The following PKHD1 variants were observed in gnomAD, a reference collection of about 807,000 sequenced individuals.
PKHD1 encodes PKHD1 ciliary IPT domain containing fibrocystin/polyductin, also known as fibrocystin.
In PKHD1, 291 loss-of-function variants were observed where a neutral mutation model predicts 412.0. The observed-to-expected ratio is 0.71, with a 90% CI of 0.64 to 0.78. The LOEUF is 0.78. Among genes scored for constraint, PKHD1 ranks in the 30% least tolerant of loss-of-function variants. The probability of loss-of-function intolerance (pLI) is 0.00; values close to 1 mark genes in which losing one functional copy is unlikely to be tolerated. For synonymous variants in PKHD1, 1,777 were observed against 1,821.5 expected (o/e 0.98, Z 0.62); for missense variants, 4,825 against 4,950.7 (o/e 0.97, Z 0.76).
chr6:51,638,729 T>G, intron 64 of PKHD1, 120 bp downstream of exon 64: 1 of 729,956 alleles, frequency 1.4e-6, no homozygotes, highest in South Asian at 1.6e-5. Flanking sequence ...GAATTTATTT[T>G]CTAAACTATG....
rs568234058 is a variant in PKHD1, at chr6:51,996,137, C to A, written c.5751+14172G>T. 4.2e-4 allele frequency among the ~76,000 whole-genome samples: 62 copies of A among 148,656 alleles called. No homozygotes were observed. The East Asian group carries it at 0.012, about 29-fold the overall frequency. On this transcript the variant is annotated intron_variant, in intron 35 of 66. Transcript: ENST00000371117. ...TCTCCTGCCTCAGCCTCCCAAGTAG[C>A]TGGGACTACAGGCGCCTGCCACGAC...
Position 51,772,767 on chromosome 6 carries a change from A to G in PKHD1, c.8577T>C (p.Leu2859=). The part of the protein sequence containing the change: ...GTIGVYGKVH[L]YSAYPKNSWT... ...AGGAGTTCTTAGGATAAGCACTGTA[A>G]AGATGAACTTTCCCATAAACCCCTG... Residue 2859 remains leucine (L), a synonymous_variant, in exon 55 of 67, where the codon CTT becomes CTC. Coordinates refer to ENST00000371117, the MANE Select transcript of PKHD1 (RefSeq NM_138694.4). 3.1e-6 allele frequency: 5 copies of G among 1,592,482 alleles called. No homozygotes were observed. The highest frequency in any genetic ancestry group is 4.3e-6 in the Non-Finnish European group (5 of 1,160,846).
intron 53 of PKHD1, among the ~76,000 whole-genome samples, chr6:51,778,604 C>T (rs1220759602): frequency 6.6e-6 from 1 of 151,896 alleles, no homozygotes; most frequent in Non-Finnish European, 1.5e-5. Flanking sequence ...GTTCCAGATG[C>T]TAAAATCACC....
chr6:51,640,664 T>C (rs1479383901), intron 63 of PKHD1, among the ~76,000 whole-genome samples: 1 of 152,148 alleles, frequency 6.6e-6, no homozygotes, highest in African/African-American at 2.4e-5. Context: ...GCAGGATAGA[T>C]AGTTTCTAAA....
chr6:51,800,379 G>GCAACAA (rs146454032), intron 52 of PKHD1, among the ~76,000 whole-genome samples: 11 of 151,946 alleles, frequency 7.2e-5, no homozygotes, highest in Non-Finnish European at 1.3e-4. Context: ...TGCACCAAAT[G>GCAACAA]CAACAACAAC....
intron 45 of PKHD1, 148 bp downstream of exon 45, chr6:51,885,719 T>C: frequency 1.4e-6 from 1 of 698,398 alleles, no homozygotes; most frequent in South Asian, 1.6e-5. Flanking sequence ...CCATTGGTGC[T>C]TTAAAATTGT....
intron 48 of PKHD1, 128 bp downstream of exon 48, chr6:51,867,735 A>G: frequency 1.1e-6 from 1 of 883,834 alleles, no homozygotes; most frequent in Non-Finnish European, 1.8e-6. Flanking sequence ...AATTATTCCC[A>G]TTTCACTTCT....
intron 35 of PKHD1, among the ~76,000 whole-genome samples, chr6:51,994,325 C>T (rs1562084825): frequency 1.3e-5 from 2 of 151,988 alleles, no homozygotes; most frequent in African/African-American, 4.8e-5. Flanking sequence ...TTAATAGAGA[C>T]GGGGTTTCAC....
At chr6:51,976,600 C>A (rs954192155) in intron 35 of PKHD1, among the ~76,000 whole-genome samples, 4 of 152,290 alleles carry the variant, frequency 2.6e-5, no homozygotes, top group African/African-American at 9.6e-5. Context: ...ACTAAATGTA[C>A]ACTTAAAATT....
chr6:51,967,350 C>T (rs1270320719), intron 35 of PKHD1, among the ~76,000 whole-genome samples: 1 of 151,932 alleles, frequency 6.6e-6, no homozygotes, highest in Non-Finnish European at 1.5e-5. Flanking sequence ...TTTGGGGACC[C>T]CGGTAAATTC....
chr6:51,992,721 G>A (rs1797188391), intron 35 of PKHD1, among the ~76,000 whole-genome samples: 1 of 152,242 alleles, frequency 6.6e-6, no homozygotes. Flanking sequence ...ATGCCACATG[G>A]CAGAGCAAGG....
chr6:51,911,355 A>G lies in PKHD1; in HGVS notation c.6490+444T>C, dbSNP rs557060410. 9.2e-5 allele frequency among the ~76,000 whole-genome samples: 14 copies of G among 152,272 alleles called. No homozygotes were observed. In the East Asian group the frequency reaches 2.3e-3, roughly 25 times the overall value. ...CCACCACTTACCTAAAGTATGTGGT[A>G]GTTCACTCAGAAAACAAATCCCAAA... is the stretch of plus-strand genomic sequence containing the variant. On this transcript the variant is annotated intron_variant, in intron 39 of 66. Coordinates refer to ENST00000371117, the MANE Select transcript of PKHD1 (RefSeq NM_138694.4).
intron 36 of PKHD1, among the ~76,000 whole-genome samples, chr6:51,956,306 G>A (rs202183287): frequency 5.8e-4 from 7 of 12,126 alleles, no homozygotes; most frequent in African/African-American, 2.9e-3. Flanking sequence ...TTATACATAC[G>A]TGTGTGTGTG....
At chr6:51,985,048 T>C (rs1796041501) in intron 35 of PKHD1, among the ~76,000 whole-genome samples, 1 of 152,222 alleles carries the variant, frequency 6.6e-6, no homozygotes, top group South Asian at 2.1e-4. Flanking sequence ...GATCATCAAT[T>C]ATTTTAAAAT....
At chr6:51,841,898 TG>T (rs1177610661) in intron 50 of PKHD1, among the ~76,000 whole-genome samples, 3 of 152,232 alleles carry the variant, frequency 2.0e-5, no homozygotes, top group African/African-American at 7.2e-5. Flanking sequence ...ACCTGGGCAG[TG>T]GTAGACAGGA....
intron 60 of PKHD1, among the ~76,000 whole-genome samples, chr6:51,671,251 T>G (rs1774918031): frequency 6.6e-6 from 1 of 152,110 alleles, no homozygotes; most frequent in Non-Finnish European, 1.5e-5. Flanking sequence ...TCGTTTCTTT[T>G]TATTCTTTTT....
chr6:51,681,842 G>A (rs757171510), intron 60 of PKHD1, among the ~76,000 whole-genome samples: 3 of 152,066 alleles, frequency 2.0e-5, no homozygotes, highest in Non-Finnish European at 2.9e-5. Flanking sequence ...TACAACAGCA[G>A]AGTTGAGAAA....
intron 66 of PKHD1, among the ~76,000 whole-genome samples, chr6:51,623,197 A>C (rs199874716): frequency 6.6e-6 from 1 of 152,178 alleles, no homozygotes; most frequent in South Asian, 2.1e-4. Context: ...CATTAATCCC[A>C]TTTATTTGAG....
chr6:51,689,389 T>A (rs1455563427), intron 60 of PKHD1, among the ~76,000 whole-genome samples: 1 of 152,158 alleles, frequency 6.6e-6, no homozygotes, highest in Non-Finnish European at 1.5e-5. Context: ...GCAAACATCA[T>A]ACTGAATGAG....
Sources: allele counts gnomAD v4.1 joint callset (sites outside exome capture counted in the v4.1 genomes callset), GRCh38; gene constraint gnomAD v4.1.1; transcripts MANE v1.5; gene names NCBI Gene and HGNC (gene_info 2026-07-23, HGNC 2026-07-21).